ROPN1L: variants seen among roughly 807,000 people sequenced by gnomAD.
The protein encoded by ROPN1L is rhophilin associated tail protein 1 like.
A neutral mutation model predicts 22.7 loss-of-function variants in ROPN1L; 23 were observed. That is an observed-to-expected ratio of 1.01 (90% CI 0.73 to 1.43). The LOEUF (loss-of-function observed/expected upper bound fraction) is 1.43. Among genes scored for constraint, ROPN1L ranks in the 40% most tolerant of loss-of-function variants. The pLI is 0.00. For missense variants in ROPN1L, 271 were observed against 291.5 expected (o/e 0.93, Z 0.51); for synonymous variants, 116 against 117.8 (o/e 0.98, Z 0.10).
chr5:10,460,588 C>T (rs2567575), intron 3 of ROPN1L, among the ~76,000 whole-genome samples: 135,972 of 152,304 alleles, frequency 0.89, 60,883 homozygotes, highest in East Asian at 1. Flanking sequence ...GGGAGATGAA[C>T]GGTCTCAGGG....
downstream of ROPN1L, among the ~76,000 whole-genome samples, chr5:10,472,862 C>A (rs757139678): frequency 5.9e-5 from 9 of 152,192 alleles, no homozygotes; most frequent in Non-Finnish European, 1.3e-4. Context: ...AATTAAGTTC[C>A]TAGTCCAACA....
chr5:10,462,885 G>A (rs1294147135), intron 4 of ROPN1L, among the ~76,000 whole-genome samples: 5 of 130,644 alleles, frequency 3.8e-5, no homozygotes, highest in African/African-American at 8.7e-5. Context: ...TCGAGACTCC[G>A]TCTCAAATAA....
intron 1 of ROPN1L, among the ~76,000 whole-genome samples, chr5:10,443,539 G>A (rs936977053): frequency 2.6e-5 from 4 of 151,664 alleles, no homozygotes; most frequent in Admixed American, 6.6e-5. Context: ...GGAGAATGGC[G>A]TGAACCCGGG....
rs368232608 is a variant in ROPN1L at position 10,461,225 on chromosome 5, G to T, written c.459G>T (p.Thr153=). 7.4e-6 allele frequency: 12 copies of T among 1,614,084 alleles called. No individual in the cohort carries two copies. The South Asian group carries it at 1.1e-4, about 15-fold the overall frequency. The change falls in exon 4 of 5, where the codon ACG becomes ACT. Residue 153 remains threonine (T), a synonymous_variant. Transcript: ENST00000274134. The part of the protein sequence containing the change: ...TALKHLCEIL[T]DDPEGGPARI... ...TGAAGCACCTGTGCGAGATCCTCAC[G>T]GACGATCCGGAGGGCGGGCCCGCTC...
intron 2 of ROPN1L, 109 bp downstream of exon 2, chr5:10,448,492 C>T (rs570235747): frequency 2.4e-4 from 297 of 1,249,812 alleles, no homozygotes; most frequent in South Asian, 8.7e-4. Flanking sequence ...TATTTCAAAC[C>T]TCCTGAGGTC....
chr5:10,451,928 A>AATCT (rs70947207), intron 3 of ROPN1L, among the ~76,000 whole-genome samples: 2,601 of 150,620 alleles, frequency 0.017, 41 homozygotes, highest in African/African-American at 0.04. Flanking sequence ...AACTCTGTGA[A>AATCT]ATCTATCTAT....
At chr5:10,465,049 C>T, downstream of ROPN1L, 1 of 582,406 alleles carries the variant, frequency 1.7e-6, no homozygotes, top group East Asian at 2.9e-5. Flanking sequence ...GTGAGTGTTT[C>T]TCTAAATGGG....
At chr5:10,472,838 G>C (rs560345841), downstream of ROPN1L, among the ~76,000 whole-genome samples, 1 of 152,254 alleles carries the variant, frequency 6.6e-6, no homozygotes, top group East Asian at 1.9e-4. Flanking sequence ...GATAGGTGAA[G>C]AGAAAGAGAG....
downstream of ROPN1L, among the ~76,000 whole-genome samples, chr5:10,466,909 T>A (rs1203251589): frequency 9.2e-5 from 14 of 152,174 alleles, no homozygotes; most frequent in Non-Finnish European, 1.5e-5. Context: ...CTCCGTGGCT[T>A]GTGGTTGCTG....
chr5:10,471,876 T>A (rs1420332351), exon 5 of ROPN1L: 2 of 152,266 alleles, frequency 1.3e-5, no homozygotes, highest in Non-Finnish European at 2.9e-5. Flanking sequence ...ACAGGTCAGC[T>A]ATGCTGGGCT....
chr5:10,448,676 T>G (rs1741157909), intron 2 of ROPN1L, among the ~76,000 whole-genome samples: 1 of 152,234 alleles, frequency 6.6e-6, no homozygotes, highest in African/African-American at 2.4e-5. Flanking sequence ...GACACTAGAT[T>G]CTGCTGGGCA....
At chr5:10,464,358 C>G (rs1735110526) in intron 4 of ROPN1L, among the ~76,000 whole-genome samples, 1 of 152,256 alleles carries the variant, frequency 6.6e-6, no homozygotes, top group Non-Finnish European at 1.5e-5. Context: ...CAGCTCTCCT[C>G]CTGGTGCCCA....
chr5:10,482,765 T>G, the ROPN1L span, among the ~76,000 whole-genome samples: 187 of 152,360 alleles, frequency 1.2e-3, 4 homozygotes, highest in South Asian at 2.3e-3. Context: ...GTTCTGTCTT[T>G]GCAGTTGCAA....
chr5:10,471,888 A>C (rs1735252049), exon 5 of ROPN1L: 1 of 152,320 alleles, frequency 6.6e-6, no homozygotes, highest in African/African-American at 2.4e-5. Context: ...TGCTGGGCTC[A>C]GAGCATGGAA....
intron 3 of ROPN1L, among the ~76,000 whole-genome samples, chr5:10,459,406 G>A (rs950241232): frequency 6.8e-6 from 1 of 147,070 alleles, no homozygotes; most frequent in African/African-American, 2.7e-5. Flanking sequence ...TTCACACATC[G>A]GCAGAAGGAC....
intron 3 of ROPN1L, among the ~76,000 whole-genome samples, chr5:10,452,363 G>A (rs1428087764): frequency 6.8e-6 from 1 of 146,392 alleles, no homozygotes; most frequent in African/African-American, 2.6e-5. Context: ...TTGAGACAGA[G>A]TCTTGCTCTG....
At chr5:10,471,000 GGCAGGGACTGTT>G (rs1308145462) in intron 4 of ROPN1L, among the ~76,000 whole-genome samples, 2 of 152,216 alleles carry the variant, frequency 1.3e-5, no homozygotes, top group African/African-American at 2.4e-5. Flanking sequence ...CGGGTGGAAA[GGCAGGGACTGTT>G]ACTGGGTCCT....
At chr5:10,481,352 C>G in the ROPN1L span, among the ~76,000 whole-genome samples, 36 of 152,360 alleles carry the variant, frequency 2.4e-4, no homozygotes, top group East Asian at 5.6e-3. Context: ...GCTCAGGAGA[C>G]AGCGGACATG....
At chr5:10,458,818 T>C (rs1319051401) in intron 3 of ROPN1L, among the ~76,000 whole-genome samples, 4 of 3,250 alleles carry the variant, frequency 1.2e-3, no homozygotes, top group Admixed American at 6.2e-3. Flanking sequence ...GTACACCATC[T>C]CACCCATGTA....
Sources: gnomAD v4.1 joint callset for allele counts (sites outside exome capture counted in the v4.1 genomes callset) on GRCh38, gnomAD v4.1.1 for gene constraint, MANE v1.5 for transcripts, NCBI Gene and HGNC (gene_info 2026-07-23, HGNC 2026-07-21) for gene names.